MAPK6: variants seen among roughly 807,000 people sequenced by gnomAD.
The protein encoded by MAPK6 is mitogen-activated protein kinase 6.
A neutral mutation model predicts 59.3 loss-of-function variants in MAPK6; 19 were observed. The observed-to-expected ratio is 0.32, with a 90% CI of 0.22 to 0.47. The LOEUF is 0.47. MAPK6 is among the 20% of genes least tolerant of loss of function. The pLI is 1.00. For synonymous variants in MAPK6, 316 were observed against 290.3 expected (o/e 1.09, Z -0.90); for missense variants, 724 against 847.9 (o/e 0.85, Z 1.81).
intron 1 of MAPK6, among the ~76,000 whole-genome samples, chr15:52,025,916 T>G (rs1242703459): frequency 6.6e-6 from 1 of 152,262 alleles, no homozygotes; most frequent in Non-Finnish European, 1.5e-5. Flanking sequence ...ATAATTGTCC[T>G]TTCTTAATGT....
Position 52,066,414 on chromosome 15 carries a change from A to T in MAPK6, c.*1414A>T, listed in dbSNP as rs544546806. On this transcript the variant is annotated 3_prime_UTR_variant, in exon 6 of 6. Coordinates refer to ENST00000261845, the MANE Select transcript of MAPK6 (RefSeq NM_002748.4). ...CTTAAACCATCACATATTAGAATGGAATAAAGCTTTATAATATTTCAAAAC... is the reference window on the plus strand; with the variant it reads ...CTTAAACCATCACATATTAGAATGGTATAAAGCTTTATAATATTTCAAAAC... 6.6e-6 allele frequency: 1 copy of T among 152,302 alleles called. No homozygotes were observed. The highest frequency in any genetic ancestry group is 2.1e-4 in the South Asian group (1 of 4,830). 9.4% of individuals were successfully genotyped at this position (152,302 alleles called of 1,614,324 possible). A position where few individuals can be genotyped will look rare whatever the true frequency, so the allele number is the denominator to read the frequency against.
chr15:52,006,723 C>T (rs2057260038), intron 3 of MAPK6, among the ~76,000 whole-genome samples: 1 of 152,120 alleles, frequency 6.6e-6, no homozygotes, highest in South Asian at 2.1e-4. Flanking sequence ...CTTCAAGCAG[C>T]AAATCTGAAG....
Position 52,064,142 on chromosome 15 carries a change from T to C in MAPK6, c.1308T>C (p.Cys436=). The C allele has an allele frequency of 6.2e-7, 1 of 1,612,586 alleles. No homozygotes were observed. The highest frequency in any genetic ancestry group is 8.5e-7 in the Non-Finnish European group (1 of 1,179,292). ...QYSDHHENKY[C]DLECSHTCNY... ...CAGATCATCATGAAAACAAATATTG[T>C]GATCTGGAGTGTAGCCATACTTGTA... is the stretch of plus-strand genomic sequence containing the variant. Residue 436 remains cysteine (C), a synonymous_variant, in exon 6 of 6, where the codon TGT becomes TGC. Coordinates refer to ENST00000261845, the MANE Select transcript of MAPK6 (RefSeq NM_002748.4).
intron 3 of MAPK6, among the ~76,000 whole-genome samples, chr15:52,054,320 A>G (rs980212115): frequency 4.2e-5 from 5 of 118,066 alleles, no homozygotes; most frequent in African/African-American, 1.6e-4. Context: ...GTGAGCCGAG[A>G]TCTTGCCACT....
chr15:51,998,687 A>ATTTTTTTTTTTTTT (rs964775744), intron 2 of MAPK6, among the ~76,000 whole-genome samples: 1,621 of 38,406 alleles, frequency 0.042, 718 homozygotes, highest in East Asian at 0.15. Context: ...TGCCTGGTTA[A>ATTTTTTTTTTTTTT]TTTTTTTTTT....
chr15:52,021,941 A>G (rs1432981664), intron 1 of MAPK6, among the ~76,000 whole-genome samples: 3 of 152,170 alleles, frequency 2.0e-5, no homozygotes, highest in Non-Finnish European at 2.9e-5. Context: ...TGGTAATAAG[A>G]TAAATCTTTT....
Position 52,064,303 on chromosome 15 carries a change from A to T in MAPK6, c.1469A>T (p.Lys490Ile). The change falls in exon 6 of 6, where the codon AAA becomes ATA. Residue 490 changes from lysine (K) to isoleucine (I), a missense_variant. By Grantham distance (102) the Lys-to-Ile change is moderately radical (BLOSUM62 -3). Coordinates refer to ENST00000261845, the MANE Select transcript of MAPK6 (RefSeq NM_002748.4). ...KEQSKEKSDK[K>I]GKSKCERNGL... Reference sequence around the variant, plus strand: ...CAAAGCAAAGAAAAATCTGATAAGAAAGGCAAATCAAAATGTGAAAGGAAT... The same window carrying T: ...CAAAGCAAAGAAAAATCTGATAAGATAGGCAAATCAAAATGTGAAAGGAAT... The T allele has an allele frequency of 3.7e-6, 6 of 1,610,160 alleles. No individual in the cohort carries two copies. Among genetic ancestry groups the T allele is most frequent in the Non-Finnish European group, 5.1e-6 (6 of 1,178,966 alleles).
intron 3 of MAPK6, among the ~76,000 whole-genome samples, chr15:52,010,106 A>G (rs1409905804): frequency 6.6e-6 from 1 of 151,976 alleles, no homozygotes. Context: ...ATGAAATCCC[A>G]TTTGTCATAG....
At position 52,065,122 on chromosome 15, in the gene MAPK6, GTTC is replaced by G. The variant is rs1346263465; in HGVS notation, c.*125_*127del. On this transcript the variant is annotated 3_prime_UTR_variant, in exon 6 of 6. Transcript: ENST00000261845. Reference sequence around the variant, plus strand: ...GTGTCATTTAGTAAGGATTTTATGAGTTCTTGTTTTTTAAAATCCAGACTTTCT... The same window carrying G: ...GTGTCATTTAGTAAGGATTTTATGAGTTGTTTTTTAAAATCCAGACTTTCT... 1.1e-4 allele frequency: 102 copies of G among 907,502 alleles called. No homozygotes were observed. The highest frequency in any genetic ancestry group is 2.7e-4 in the Admixed American group (8 of 29,552). 56.2% of individuals were successfully genotyped at this position (907,502 alleles called of 1,614,324 possible).
intron 1 of MAPK6, among the ~76,000 whole-genome samples, chr15:52,019,707 G>C (rs1477465820): frequency 6.7e-6 from 1 of 150,052 alleles, no homozygotes; most frequent in African/African-American, 2.4e-5. Context: ...CGCCCTGCCA[G>C]GCCGCGCCCG....
rs765776427 is a variant in MAPK6, at chr15:52,058,591, A to AAAAC, written c.701-41_701-40insAACA. On this transcript the variant is annotated intron_variant, in intron 3 of 5. Transcript: ENST00000261845. The stretch of plus-strand genomic sequence containing the variant: ...TAGTATGTTTATTGTGAAATAAGTA[A>AAAAC]ACATTGAGGAATGTGTTTTTTTGTT... 1.3e-5 allele frequency: 20 copies of AAAAC among 1,500,946 alleles called. No individual in the cohort carries two copies. The East Asian group carries it at 4.7e-4, about 35-fold the overall frequency. The allele number at this position is 1,500,946 out of a possible 1,614,324, so 93.0% of individuals were successfully genotyped here.
intron 1 of MAPK6, among the ~76,000 whole-genome samples, chr15:51,972,054 G>A (rs1392092515): frequency 6.6e-6 from 1 of 152,140 alleles, no homozygotes; most frequent in Non-Finnish European, 1.5e-5. Flanking sequence ...CCTCTGGCTG[G>A]ATTAAACCTA....
chr15:52,007,144 G>A (rs2029909037), intron 3 of MAPK6, among the ~76,000 whole-genome samples: 1 of 152,094 alleles, frequency 6.6e-6, no homozygotes, highest in Admixed American at 6.5e-5. Flanking sequence ...GTGTAATGAA[G>A]CCTGTGTGTT....
At chr15:52,018,756 C>G (rs931604122), upstream of MAPK6, 2 of 152,542 alleles carry the variant, frequency 1.3e-5, no homozygotes, top group Non-Finnish European at 2.9e-5. Context: ...GGCGACCACT[C>G]CTGAAAGCCT....
chr15:51,986,335 C>T (rs1410815525), intron 2 of MAPK6, among the ~76,000 whole-genome samples: 2 of 152,052 alleles, frequency 1.3e-5, no homozygotes, highest in Non-Finnish European at 2.9e-5. Flanking sequence ...AGAACCAAAC[C>T]ATATCAGTCA....
chr15:52,063,308 C>T (rs1361602197), intron 5 of MAPK6, among the ~76,000 whole-genome samples: 1 of 152,230 alleles, frequency 6.6e-6, no homozygotes, highest in Non-Finnish European at 1.5e-5. Flanking sequence ...AGTGATCCAT[C>T]CACCTTGGCC....
chr15:52,057,315 C>G (rs775931266), intron 3 of MAPK6: 11 of 151,974 alleles, frequency 7.2e-5, no homozygotes, highest in Non-Finnish European at 1.5e-4. Flanking sequence ...GGCTTTCCAT[C>G]AAACTCAGGG....
intron 1 of MAPK6, chr15:52,027,905 T>G (rs1206945601): frequency 6.6e-6 from 1 of 151,354 alleles, no homozygotes; most frequent in African/African-American, 2.4e-5. Flanking sequence ...CTTGAGTAGT[T>G]GGGACTGCAG....
intron 3 of MAPK6, among the ~76,000 whole-genome samples, chr15:52,054,607 A>AT (rs2031896867): frequency 6.6e-6 from 1 of 152,044 alleles, no homozygotes. Flanking sequence ...CTTCATGGTC[A>AT]ATGGGAGCGG....
Sources: gnomAD v4.1 joint callset for allele counts (sites outside exome capture counted in the v4.1 genomes callset) on GRCh38, gnomAD v4.1.1 for gene constraint, MANE v1.5 for transcripts, NCBI Gene and HGNC (gene_info 2026-07-23, HGNC 2026-07-21) for gene names.